NFASC: variants seen among roughly 807,000 people sequenced by gnomAD.
NFASC encodes the protein neurofascin, also known as neurofascin homolog.
NFASC carries 43 observed loss-of-function variants against 147.5 expected under a neutral mutation model. That is an observed-to-expected ratio of 0.29 (90% confidence interval 0.23 to 0.38). The LOEUF is 0.38. Among genes scored for constraint, NFASC ranks in the 10% least tolerant of loss-of-function variants. The pLI, the probability that NFASC is intolerant of heterozygous loss-of-function variation, is 1.00. For missense variants in NFASC, 1,320 were observed against 1,689.0 expected (o/e 0.78, Z 3.83); for synonymous variants, 622 against 665.5 (o/e 0.93, Z 1.01).
At chr1:204,942,591 AT>A (rs1302297111) in intron 2 of NFASC, among the ~76,000 whole-genome samples, 3 of 152,242 alleles carry the variant, frequency 2.0e-5, no homozygotes, top group African/African-American at 7.2e-5. Context: ...ATCACACTGC[AT>A]CCCATAAATG....
chr1:204,886,898 T>G (rs1228391556), intron 1 of NFASC, among the ~76,000 whole-genome samples: 3 of 152,188 alleles, frequency 2.0e-5, no homozygotes, highest in African/African-American at 7.2e-5. Flanking sequence ...TTCCAGCCTG[T>G]TATCCTTTTT....
chr1:204,838,080 A>T (rs572101184), intron 1 of NFASC, among the ~76,000 whole-genome samples: 1 of 152,338 alleles, frequency 6.6e-6, no homozygotes, highest in Admixed American at 6.5e-5. Flanking sequence ...CACCGTACTC[A>T]TTACTTCAAA....
chr1:204,945,884 C>T (rs2093693873), intron 3 of NFASC, among the ~76,000 whole-genome samples: 1 of 152,178 alleles, frequency 6.6e-6, no homozygotes, highest in African/African-American at 2.4e-5. Context: ...GGTGAAGGCT[C>T]ATTTCTCTTC....
At chr1:204,829,058 A>C (rs1571764136) in intron 1 of NFASC, among the ~76,000 whole-genome samples, 4 of 42,084 alleles carry the variant, frequency 9.5e-5, no homozygotes, top group South Asian at 1.4e-3. Flanking sequence ...CCCTTCCCGC[A>C]TCCTCAACCC....
chr1:204,858,876 C>T (rs564579830), intron 1 of NFASC, among the ~76,000 whole-genome samples: 1 of 152,286 alleles, frequency 6.6e-6, no homozygotes, highest in South Asian at 2.1e-4. Context: ...TTCCCCACCG[C>T]CAGGCATCTT....
At chr1:204,830,657 T>TAGAGAG (rs10671660) in intron 1 of NFASC, among the ~76,000 whole-genome samples, 14 of 147,208 alleles carry the variant, frequency 9.5e-5, no homozygotes, top group East Asian at 7.9e-4. Context: ...GATGTGTGTA[T>TAGAGAG]AGAGAGAGAG....
chr1:204,945,613 C>A (rs1296351787), intron 3 of NFASC, among the ~76,000 whole-genome samples: 1 of 152,238 alleles, frequency 6.6e-6, no homozygotes, highest in Non-Finnish European at 1.5e-5. Context: ...CCCTGCTGCC[C>A]TCCCAATACC....
chr1:204,870,480 C>T (rs1203526431), intron 1 of NFASC: 1 of 173,542 alleles, frequency 5.8e-6, no homozygotes, highest in Admixed American at 5.8e-5. Flanking sequence ...ACCACCCCCG[C>T]CACACTGTGC....
Position 204,866,913 on chromosome 1 carries a change from A to G in NFASC, c.-200+38131A>G, listed in dbSNP as rs370183525. On this transcript the variant is annotated intron_variant, in intron 1 of 29. Coordinates refer to ENST00000339876, the MANE Select transcript of NFASC (RefSeq NM_001005388.3). ...CCATATCCATGGTTAGTGCGTGGAC[A>G]TGAAGGGTTGGATTGGCTTCCTGGA... 3.3e-5 allele frequency among the ~76,000 whole-genome samples: 5 copies of G among 152,330 alleles called. No individual in the cohort carries two copies. In the South Asian group the frequency reaches 1.0e-3, roughly 32 times the overall value.
At position 204,979,198 on chromosome 1, in the gene NFASC, T is replaced by C. The variant is rs963728298; in HGVS notation, c.1978+129T>C. The stretch of plus-strand genomic sequence containing the variant: ...TGTGTCCTGGGCTAACCTCAGAATG[T>C]ACAGAGGCCTTGGTGTCTCTTCCTG... On this transcript the variant is annotated intron_variant, in intron 18 of 29. Coordinates refer to ENST00000339876, the MANE Select transcript of NFASC (RefSeq NM_001005388.3). This position sits in a 1 kb window ranked among gnomAD's most constrained non-coding sequence, Gnocchi z 6.0. 1.0e-6 allele frequency: 1 copy of C among 954,646 alleles called. No homozygotes were observed. Among genetic ancestry groups the C allele is most frequent in the East Asian group, 2.6e-5 (1 of 38,018 alleles). 59.1% of individuals were successfully genotyped at this position (954,646 alleles called of 1,614,324 possible).
intron 10 of NFASC, 65 bp downstream of exon 10, chr1:204,969,047 C>T: frequency 4.8e-6 from 7 of 1,449,168 alleles, no homozygotes; most frequent in Non-Finnish European, 5.7e-6. Flanking sequence ...CCACCCTTCC[C>T]TCTGAGGGTG....
chr1:204,984,770 C>G (rs2095581400), intron 21 of NFASC, among the ~76,000 whole-genome samples: 2 of 152,136 alleles, frequency 1.3e-5, no homozygotes, highest in African/African-American at 4.8e-5. Flanking sequence ...GCTCTATCAT[C>G]CATCCTCTTC....
intron 1 of NFASC, among the ~76,000 whole-genome samples, chr1:204,889,674 G>A (rs2082002601): frequency 6.6e-6 from 1 of 152,076 alleles, no homozygotes; most frequent in South Asian, 2.1e-4. Context: ...CTAGACGTCC[G>A]CCCCCAGTGT....
chr1:204,927,734 T>G (rs1040162861), intron 2 of NFASC, among the ~76,000 whole-genome samples: 6 of 152,158 alleles, frequency 3.9e-5, no homozygotes, highest in Admixed American at 2.0e-4. Flanking sequence ...ACCACTCTTC[T>G]TTAATGACAG....
rs183867280 is a variant in NFASC, at chr1:204,829,507, G to A, written c.-200+725G>A. ...CTCTGGACCCCCCTTCCCTGGGTGG[G>A]GATCTTGGTTGTGGAATATAACCCC... is the stretch of plus-strand genomic sequence containing the variant. On this transcript the variant is annotated intron_variant, in intron 1 of 29. Transcript: ENST00000339876. Among the ~76,000 whole-genome samples the A allele has an allele frequency of 1.3e-3, 204 of 152,202 alleles. 2 individuals carry two copies. Among genetic ancestry groups the A allele is most frequent in the Non-Finnish European group, 8.8e-4 (60 of 68,006 alleles).
intron 24 of NFASC, among the ~76,000 whole-genome samples, chr1:204,996,572 C>T (rs1332724272): frequency 6.6e-6 from 1 of 152,180 alleles, no homozygotes; most frequent in Non-Finnish European, 1.5e-5. Flanking sequence ...AGGGCGAGGG[C>T]AGGCAGAACG....
intron 26 of NFASC, among the ~76,000 whole-genome samples, chr1:205,002,329 T>A (rs1479566601): frequency 6.6e-6 from 1 of 152,162 alleles, no homozygotes; most frequent in Non-Finnish European, 1.5e-5. Context: ...TTATAATATG[T>A]CTAGTGTGAA....
chr1:204,855,378 C>G (rs1404013486), intron 1 of NFASC, among the ~76,000 whole-genome samples: 2 of 152,062 alleles, frequency 1.3e-5, no homozygotes, highest in Non-Finnish European at 2.9e-5. Flanking sequence ...TTGGGGAAGG[C>G]TTTGTGGAAA....
chr1:204,980,197 A>G (rs975293140), intron 19 of NFASC, among the ~76,000 whole-genome samples, 173 bp from the exon 20 acceptor site: 3 of 152,366 alleles, frequency 2.0e-5, no homozygotes. Flanking sequence ...CTCAGCTCAA[A>G]AGGCACATCA....
Sources: gnomAD v4.1 joint callset for allele counts (sites outside exome capture counted in the v4.1 genomes callset) on GRCh38, gnomAD v4.1.1 for gene constraint, Gnocchi (gnomAD v3.1) non-coding constraint, MANE v1.5 for transcripts, NCBI Gene and HGNC (gene_info 2026-07-23, HGNC 2026-07-21) for gene names.